Variants in FOXD1 observed in about 807,000 individuals in gnomAD.
The protein encoded by FOXD1 is forkhead box protein D1.
Under a neutral mutation model 2.0 loss-of-function variants are expected in FOXD1, and 4 were observed. The ratio of observed to expected loss-of-function variants is 2.03; its 90% confidence interval spans 1.00 to 4.64. The LOEUF is 4.64. Among genes scored for constraint, FOXD1 ranks in the 30% most tolerant of loss-of-function variants. The probability of loss-of-function intolerance (pLI) is 0.01; values close to 1 mark genes in which losing one functional copy is unlikely to be tolerated. For synonymous variants in FOXD1, 354 were observed against 328.5 expected, an observed-to-expected ratio of 1.08 and a Z score of -0.84; for missense variants, 586 against 647.6, an observed-to-expected ratio of 0.90 and a Z score of 1.03.
chr5:73,446,684 C>T lies in FOXD1; in HGVS notation c.*281G>A. On this transcript the variant is annotated 3_prime_UTR_variant, in exon 1 of 1. Coordinates refer to ENST00000615637, the MANE Select transcript of FOXD1 (RefSeq NM_004472.3). Reference sequence around the variant, plus strand: ...GTCAAGGGAGCCTCTAGTGCCTGGACAGGGCGGACTCCCTTCCCCGGCACC... The same window carrying T: ...GTCAAGGGAGCCTCTAGTGCCTGGATAGGGCGGACTCCCTTCCCCGGCACC... 2.6e-6 allele frequency: 1 copy of T among 380,062 alleles called. No individual in the cohort carries two copies. Among genetic ancestry groups the T allele is most frequent in the South Asian group, 2.4e-5 (1 of 41,814 alleles). 23.5% of individuals were successfully genotyped at this position (380,062 alleles called of 1,614,324 possible).
rs369615583 is a variant in FOXD1, at chr5:73,447,703, G to C, written c.660C>G (p.Arg220=). ...GTGGGAGCAGCGGCTGCCGCTTGAA[G>C]CGCTTCCTCCGGCGCAGGAAGCTGC... ...DNGSFLRRRK[R]FKRQPLLPPN... Residue 220 remains arginine (R), a synonymous_variant, in exon 1 of 1, where the codon CGC becomes CGG. Coordinates refer to ENST00000615637, the MANE Select transcript of FOXD1 (RefSeq NM_004472.3). This position sits in a 1 kb window ranked among gnomAD's most constrained non-coding sequence, Gnocchi z 7.8. 5.0e-6 allele frequency: 8 copies of C among 1,606,428 alleles called. No homozygotes were observed. The East Asian group carries it at 1.6e-4, about 32-fold the overall frequency.
In FOXD1 at chr5:73,447,418, C is replaced by A; in HGVS notation, c.945G>T (p.Pro315=). 7 of 980,310 alleles carry A rather than the reference C, an allele frequency of 7.1e-6. No individual in the cohort carries two copies. The highest frequency in any genetic ancestry group is 8.5e-6 in the Non-Finnish European group (7 of 828,080). 60.7% of individuals were successfully genotyped at this position (980,310 alleles called of 1,614,324 possible). Residue 315 remains proline, a synonymous_variant, in exon 1 of 1, where the codon CCG becomes CCT. Transcript: ENST00000615637. The surrounding 1 kb of genome is among the most constrained non-coding windows in gnomAD (Gnocchi z 7.8). ...GGGCCAGCTCGGCGGCCGCGCCGTGCGGTGGCGGGGGCGGCGGGGGCGAGT... is the reference window on the plus strand; with the variant it reads ...GGGCCAGCTCGGCGGCCGCGCCGTGAGGTGGCGGGGGCGGCGGGGGCGAGT... ...HPHSPPPPPP[P]HGAAAELART... is the part of the protein sequence containing the mutation.
Position 73,447,433 on chromosome 5 carries a change from CG to C in FOXD1, c.929del (p.Pro310ArgfsTer263). On this transcript the variant is annotated frameshift_variant, in exon 1 of 1. Coordinates refer to ENST00000615637, the MANE Select transcript of FOXD1 (RefSeq NM_004472.3). LOFTEE classifies it low-confidence loss of function (END_TRUNC). This position sits in a 1 kb window ranked among gnomAD's most constrained non-coding sequence, Gnocchi z 7.8. ...CCGCGCCGTGCGGTGGCGGGGGCGG[CG>C]GGGGCGAGTGCGGGTGGAAGGCGGC... is the stretch of plus-strand genomic sequence containing the variant. ...AAAAFHPHSP[P>X]PPPPPHGAAA... is the part of the protein sequence containing the mutation. 1 of 978,994 alleles carries C rather than the reference CG, an allele frequency of 1.0e-6. No individual in the cohort carries two copies. Among genetic ancestry groups the C allele is most frequent in the Non-Finnish European group, 1.2e-6 (1 of 826,776 alleles). The allele number at this position is 978,994 out of a possible 1,614,324, so 60.6% of individuals were successfully genotyped here. A position where few individuals can be genotyped will look rare whatever the true frequency, so the allele number is the denominator to read the frequency against.
rs749145031 is a variant in FOXD1 at position 73,447,684 on chromosome 5, G to T, written c.679C>A (p.Leu227Ile). 2 of 1,602,044 alleles carry T rather than the reference G, an allele frequency of 1.2e-6. No homozygotes were observed. Among genetic ancestry groups the T allele is most frequent in the Non-Finnish European group, 1.7e-6 (2 of 1,175,400 alleles). ...TCGGCGGCCGCGGCGTTGGGTGGGA[G>T]CAGCGGCTGCCGCTTGAAGCGCTTC... ...RRKRFKRQPLLPPNAAAAESL... is the reference protein window; with the variant it reads ...RRKRFKRQPLIPPNAAAAESL... Residue 227 changes from leucine (L) to isoleucine (I), a missense_variant, in exon 1 of 1, where the codon CTC becomes ATC. Leu to Ile is a conservative substitution (Grantham distance 5). Transcript: ENST00000615637. This position sits in a 1 kb window ranked among gnomAD's most constrained non-coding sequence, Gnocchi z 7.8.
chr5:73,447,563 TGCGGGGGCG>T lies in FOXD1; in HGVS notation c.791_799del (p.Pro264_Pro266del). The T allele has an allele frequency of 9.7e-7, 1 of 1,033,742 alleles. No individual in the cohort carries two copies. Among genetic ancestry groups the T allele is most frequent in the Non-Finnish European group, 1.2e-6 (1 of 862,714 alleles). The allele number at this position is 1,033,742 out of a possible 1,614,324, so 64.0% of individuals were successfully genotyped here. On this transcript the variant is annotated inframe_deletion, in exon 1 of 1. Transcript: ENST00000615637. The surrounding 1 kb of genome is among the most constrained non-coding windows in gnomAD (Gnocchi z 7.8). ...GCCGTAGGGGCCGTAGCCGTAGGCA[TGCGGGGGCG>T]GCGGGGGCGCGGGCGGGAAGAGCGC...
Position 73,448,258 on chromosome 5 carries a change from G to C in FOXD1, c.105C>G (p.Asp35Glu). 4.0e-6 allele frequency: 6 copies of C among 1,481,714 alleles called. No individual in the cohort carries two copies. The highest frequency in any genetic ancestry group is 2.3e-5 in the Admixed American group (1 of 44,390). 91.8% of individuals were successfully genotyped at this position (1,481,714 alleles called of 1,614,324 possible). Residue 35 changes from aspartate to glutamate, a missense_variant, in exon 1 of 1, where the codon GAC becomes GAG. By Grantham distance (45) the Asp-to-Glu change is conservative. This residue lies in a region of FOXD1 where 183 missense variants were observed against 159.2 expected (regional missense o/e 1.15). Transcript: ENST00000615637. ...GEDEEDEEEE[D>E]DDEGGGGGPR... is the part of the protein sequence containing the mutation. ...GCCCGCCACCGCCGCCCTCGTCGTC[G>C]TCCTCCTCTTCCTCGTCTTCTTCGT...
In FOXD1 at chr5:73,446,560, T is replaced by A. The variant is rs895812330; in HGVS notation, c.*405A>T. On this transcript the variant is annotated 3_prime_UTR_variant, in exon 1 of 1. Transcript: ENST00000615637. ...CTTCGCTGGCATTCTTCAAGACCTT[T>A]ACTATTTTTGTATTATTCTTTTGAC... The A allele has an allele frequency of 4.1e-5, 7 of 171,486 alleles. No individual in the cohort carries two copies. The highest frequency in any genetic ancestry group is 8.8e-5 in the Non-Finnish European group (7 of 79,806). 10.6% of individuals were successfully genotyped at this position (171,486 alleles called of 1,614,324 possible). A position where few individuals can be genotyped will look rare whatever the true frequency, so the allele number is the denominator to read the frequency against.
At position 73,447,525 on chromosome 5, in the gene FOXD1, G is replaced by GGCCGTA. The variant is rs1375393556; in HGVS notation, c.832_837dup (p.Tyr278_Gly279dup). On this transcript the variant is annotated inframe_insertion, in exon 1 of 1. Transcript: ENST00000615637. This position sits in a 1 kb window ranked among gnomAD's most constrained non-coding sequence, Gnocchi z 7.8. ...GGCGGCGCGTAAGGCGGCAGCTGCA[G>GGCCGTA]GCCGTAGCCGCAGCCGTAGGGGCCG... 2.9e-6 allele frequency: 3 copies of GGCCGTA among 1,032,798 alleles called. No individual in the cohort carries two copies. The highest frequency in any genetic ancestry group is 3.5e-6 in the Non-Finnish European group (3 of 862,656). 64.0% of individuals were successfully genotyped at this position (1,032,798 alleles called of 1,614,324 possible).
chr5:73,447,367 G>C lies in FOXD1; in HGVS notation c.996C>G (p.His332Gln). ...GGCCGGGTAGGGCGGCGCCGAGCGGGTGCGGCCGGTAGCCGAAGGCGGTCC... is the reference window on the plus strand; with the variant it reads ...GGCCGGGTAGGGCGGCGCCGAGCGGCTGCGGCCGGTAGCCGAAGGCGGTCC... ...LARTAFGYRP[H>Q]PLGAALPGPL... The change falls in exon 1 of 1, where the codon CAC becomes CAG. Residue 332 changes from histidine to glutamine, a missense_variant. Coordinates refer to ENST00000615637, the MANE Select transcript of FOXD1 (RefSeq NM_004472.3). The surrounding 1 kb of genome is among the most constrained non-coding windows in gnomAD (Gnocchi z 7.8). 1 of 983,032 alleles carries C rather than the reference G, an allele frequency of 1.0e-6. No homozygotes were observed. Among genetic ancestry groups the C allele is most frequent in the African/African-American group, 1.8e-5 (1 of 56,716 alleles). The allele number at this position is 983,032 out of a possible 1,614,324, so 60.9% of individuals were successfully genotyped here.
rs1561240490 is a variant in FOXD1, at chr5:73,446,910, G to A, written c.*55C>T. The A allele has an allele frequency of 1.5e-5, 22 of 1,435,298 alleles. No homozygotes were observed. Among genetic ancestry groups the A allele is most frequent in the African/African-American group, 5.7e-5 (4 of 69,732 alleles). The allele number at this position is 1,435,298 out of a possible 1,614,324, so 88.9% of individuals were successfully genotyped here. A position where few individuals can be genotyped will look rare whatever the true frequency, so the allele number is the denominator to read the frequency against. ...GAACAAAACACCGAACCACCAAGACGAGAAAAGGAGCCGGGATTCCTACCT... is the reference window on the plus strand; with the variant it reads ...GAACAAAACACCGAACCACCAAGACAAGAAAAGGAGCCGGGATTCCTACCT... On this transcript the variant is annotated 3_prime_UTR_variant, in exon 1 of 1. Coordinates refer to ENST00000615637, the MANE Select transcript of FOXD1 (RefSeq NM_004472.3).
In FOXD1 at chr5:73,446,323, G is replaced by A. The variant is rs1745492808; in HGVS notation, c.*642C>T. 1 of 152,528 alleles carries A rather than the reference G, an allele frequency of 6.6e-6. No homozygotes were observed. Among genetic ancestry groups the A allele is most frequent in the Non-Finnish European group, 1.5e-5 (1 of 68,020 alleles). 9.4% of individuals were successfully genotyped at this position (152,528 alleles called of 1,614,324 possible). A position where few individuals can be genotyped will look rare whatever the true frequency, so the allele number is the denominator to read the frequency against. On this transcript the variant is annotated 3_prime_UTR_variant, in exon 1 of 1. Transcript: ENST00000615637. ...AAAAAGTGTAAAAATCTTACATTTA[G>A]AATAGTACAATAATAATTGCCAGTA...
In FOXD1 at chr5:73,446,578, C is replaced by CT. The variant is rs1318277262; in HGVS notation, c.*386dup. The CT allele has an allele frequency of 5.2e-6, 1 of 192,774 alleles. No homozygotes were observed. The highest frequency in any genetic ancestry group is 2.4e-5 in the African/African-American group (1 of 41,716). The allele number at this position is 192,774 out of a possible 1,614,324, so 11.9% of individuals were successfully genotyped here. On this transcript the variant is annotated 3_prime_UTR_variant, in exon 1 of 1. Coordinates refer to ENST00000615637, the MANE Select transcript of FOXD1 (RefSeq NM_004472.3). ...AGACCTTTACTATTTTTGTATTATT[C>CT]TTTTGACCATTATTTTTTAACGCCT...
At position 73,448,413 on chromosome 5, in the gene FOXD1, G is replaced by C. The variant is rs1388449483; in HGVS notation, c.-51C>G. ...GGCGCATGGGGGCGCCGGGCTCCGGGCTCCCTCTGCGCCCCAGCCCGGGTC... is the reference window on the plus strand; with the variant it reads ...GGCGCATGGGGGCGCCGGGCTCCGGCCTCCCTCTGCGCCCCAGCCCGGGTC... On this transcript the variant is annotated 5_prime_UTR_variant, in exon 1 of 1. Transcript: ENST00000615637. 9.1e-7 allele frequency: 1 copy of C among 1,099,956 alleles called. No homozygotes were observed. The highest frequency in any genetic ancestry group is 1.1e-6 in the Non-Finnish European group (1 of 894,168). The allele number at this position is 1,099,956 out of a possible 1,614,324, so 68.1% of individuals were successfully genotyped here.
rs780101710 is a variant in FOXD1, at chr5:73,448,258, G to GTCC, written c.102_104dup (p.Glu34dup). The GTCC allele has an allele frequency of 2.7e-6, 4 of 1,481,714 alleles. No individual in the cohort carries two copies. Among genetic ancestry groups the GTCC allele is most frequent in the South Asian group, 1.3e-5 (1 of 79,500 alleles). 91.8% of individuals were successfully genotyped at this position (1,481,714 alleles called of 1,614,324 possible). ...GCCCGCCACCGCCGCCCTCGTCGTC[G>GTCC]TCCTCCTCTTCCTCGTCTTCTTCGT... is the stretch of plus-strand genomic sequence containing the variant. On this transcript the variant is annotated inframe_insertion, in exon 1 of 1. Coordinates refer to ENST00000615637, the MANE Select transcript of FOXD1 (RefSeq NM_004472.3).
Position 73,447,457 on chromosome 5 carries a change from GGCGGCGGCGGCGGCGGCCGCT to G in FOXD1, c.885_905del (p.Ala297_Ala303del). ...GCGGGGGCGAGTGCGGGTGGAAGGC[GGCGGCGGCGGCGGCGGCCGCT>G]GCGGCGGCGAAGAGGGCCGAGGGCG... On this transcript the variant is annotated inframe_deletion, in exon 1 of 1. Transcript: ENST00000615637. This position sits in a 1 kb window ranked among gnomAD's most constrained non-coding sequence, Gnocchi z 7.8. 4.0e-6 allele frequency: 4 copies of G among 989,146 alleles called. No homozygotes were observed. Among genetic ancestry groups the G allele is most frequent in the South Asian group, 9.0e-5 (2 of 22,122 alleles). The allele number at this position is 989,146 out of a possible 1,614,324, so 61.3% of individuals were successfully genotyped here.
Position 73,448,113 on chromosome 5 carries a change from C to T in FOXD1, c.250G>A (p.Gly84Arg), listed in dbSNP as rs1221136200. ...DDDILLAPPAGGSPAPPGPAP... is the reference protein window; with the variant it reads ...DDDILLAPPARGSPAPPGPAP... ...GGGCCCGGGGGCGCCGGGGAGCCCC[C>T]AGCAGGCGGGGCCAGCAGGATGTCA... Residue 84 changes from glycine (G) to arginine (R), a missense_variant, in exon 1 of 1, where the codon GGG becomes AGG. Physicochemically the swap from Gly to Arg is moderately radical, Grantham distance 125. Coordinates refer to ENST00000615637, the MANE Select transcript of FOXD1 (RefSeq NM_004472.3). The T allele has an allele frequency of 6.4e-6, 8 of 1,247,778 alleles. No homozygotes were observed. The highest frequency in any genetic ancestry group is 7.1e-6 in the Non-Finnish European group (7 of 988,830). 77.3% of individuals were successfully genotyped at this position (1,247,778 alleles called of 1,614,324 possible). A position where few individuals can be genotyped will look rare whatever the true frequency, so the allele number is the denominator to read the frequency against.
chr5:73,448,289 C>T lies in FOXD1; in HGVS notation c.74G>A (p.Gly25Asp). ...EETDIDVVGE[G>D]EDEEDEEEED... ...CTCTTCCTCGTCTTCTTCGTCCTCG[C>T]CCTCCCCCACCACGTCGATGTCTGT... Residue 25 changes from glycine to aspartate, a missense_variant, in exon 1 of 1, where the codon GGC becomes GAC. Physicochemically the swap from Gly to Asp is moderately conservative, Grantham distance 94. Around this residue, in one of 4 missense-constraint regions of FOXD1, gnomAD observed 183 missense variants for 159.2 expected, o/e 1.15. Coordinates refer to ENST00000615637, the MANE Select transcript of FOXD1 (RefSeq NM_004472.3). The T allele has an allele frequency of 1.4e-6, 2 of 1,471,928 alleles. No individual in the cohort carries two copies. The highest frequency in any genetic ancestry group is 9.1e-7 in the Non-Finnish European group (1 of 1,103,760). The allele number at this position is 1,471,928 out of a possible 1,614,324, so 91.2% of individuals were successfully genotyped here. A position where few individuals can be genotyped will look rare whatever the true frequency, so the allele number is the denominator to read the frequency against.
rs2112141271 is a variant in FOXD1 at position 73,448,606 on chromosome 5, C to G, written c.-244G>C. The G allele has an allele frequency of 6.6e-6, 1 of 152,550 alleles. No individual in the cohort carries two copies. The highest frequency in any genetic ancestry group is 2.4e-5 in the African/African-American group (1 of 41,550). 9.4% of individuals were successfully genotyped at this position (152,550 alleles called of 1,614,324 possible). ...TGCTGCGCTCCCTGGGCTCCGCTCG[C>G]GCCCGGCCCGGGCGGAGGACTTGAC... On this transcript the variant is annotated 5_prime_UTR_variant, in exon 1 of 1. Transcript: ENST00000615637.
In FOXD1 at chr5:73,447,064, G is replaced by T; in HGVS notation, c.1299C>A (p.Ala433=). 6.6e-7 allele frequency: 1 copy of T among 1,518,512 alleles called. No homozygotes were observed. The highest frequency in any genetic ancestry group is 8.8e-7 in the Non-Finnish European group (1 of 1,132,176). 94.1% of individuals were successfully genotyped at this position (1,518,512 alleles called of 1,614,324 possible). Residue 433 remains alanine (A), a synonymous_variant, in exon 1 of 1, where the codon GCC becomes GCA. Transcript: ENST00000615637. The surrounding 1 kb of genome is among the most constrained non-coding windows in gnomAD (Gnocchi z 7.8). The part of the protein sequence containing the change: ...TRSLVAAAAA[A]ASSVSSSAAL... ...CGGCGGACGAGGAGACTGAGGAGGC[G>T]GCGGCGGCCGCGGCGGCCACGAGGG...
Sources: gnomAD v4.1 joint callset for allele counts on GRCh38, gnomAD v4.1.1 for gene constraint, gnomAD v4.1.1 regional missense constraint, Gnocchi (gnomAD v3.1) non-coding constraint, MANE v1.5 for transcripts, NCBI Gene and HGNC (gene_info 2026-07-23, HGNC 2026-07-21) for gene names.